PIEZO2: variants seen among roughly 807,000 people sequenced by gnomAD.
The protein encoded by PIEZO2 is piezo-type mechanosensitive ion channel component 2.
Under a neutral mutation model 337.3 loss-of-function variants are expected in PIEZO2, and 172 were observed. The ratio of observed to expected loss-of-function variants is 0.51; its 90% confidence interval spans 0.45 to 0.58. PIEZO2 has a LOEUF of 0.58. PIEZO2 is among the 20% of genes least tolerant of loss of function. PIEZO2 has a pLI of 0.00. For missense variants in PIEZO2, 3,028 were observed against 3,391.3 expected, an observed-to-expected ratio of 0.89 and a Z score of 2.66; for synonymous variants, 1,251 against 1,228.5, an observed-to-expected ratio of 1.02 and a Z score of -0.38.
intron 4 of PIEZO2, among the ~76,000 whole-genome samples, chr18:10,874,422 A>C (rs962262495): frequency 5.9e-5 from 9 of 152,166 alleles, no homozygotes; most frequent in South Asian, 2.1e-4. Context: ...CGAAAACTTA[A>C]AAATAGAACT....
At chr18:10,785,267 C>T (rs537876710) in intron 16 of PIEZO2, among the ~76,000 whole-genome samples, 2 of 152,268 alleles carry the variant, frequency 1.3e-5, no homozygotes, top group African/African-American at 4.8e-5. Context: ...GTTTCTTGTT[C>T]CTCCATGATC....
At chr18:10,755,451 T>A (rs537528071) in intron 27 of PIEZO2, among the ~76,000 whole-genome samples, 59 of 152,278 alleles carry the variant, frequency 3.9e-4, no homozygotes, top group African/African-American at 1.3e-3. Flanking sequence ...GACAGCTGAC[T>A]ATAGTGGGCA....
At chr18:11,059,710 C>T (rs1478162237) in intron 2 of PIEZO2, among the ~76,000 whole-genome samples, 5 of 152,098 alleles carry the variant, frequency 3.3e-5, no homozygotes, top group Non-Finnish European at 7.4e-5. Context: ...GGGCTAACTA[C>T]CCTAAATATA....
In PIEZO2 at chr18:10,952,010, T is replaced by C. The variant is rs2033316270; in HGVS notation, c.286+27525A>G. Among the ~76,000 whole-genome samples, 1 of 152,176 alleles carries C rather than the reference T, an allele frequency of 6.6e-6. No homozygotes were observed. Among genetic ancestry groups the C allele is most frequent in the African/African-American group, 2.4e-5 (1 of 41,436 alleles). ...TAGGGCTTCTTATATTGTGAAACTG[T>C]CTCTGAAACATTATCTGATTTGGCC... On this transcript the variant is annotated intron_variant, in intron 3 of 55. Transcript: ENST00000674853. This position sits in a 1 kb window ranked among gnomAD's most constrained non-coding sequence, Gnocchi z 4.1.
In PIEZO2 at chr18:10,715,754, C is replaced by T. The variant is rs1230162848; in HGVS notation, c.5152G>A (p.Val1718Met). Reference sequence around the variant, plus strand: ...TTAAGCCAAGTAGTGAAACTGTCCACTGTTGCCAGAAATAGGACCCAGGTA... The same window carrying T: ...TTAAGCCAAGTAGTGAAACTGTCCATTGTTGCCAGAAATAGGACCCAGGTA... ...KFTWVLFLAT[V>M]DSFTTWLNSI... Residue 1718 changes from valine to methionine, a missense_variant, in exon 38 of 56, where the codon GTG becomes ATG. Physicochemically the swap from Val to Met is conservative, Grantham distance 21 (BLOSUM62 1). Transcript: ENST00000674853. 2.0e-5 allele frequency: 30 copies of T among 1,534,986 alleles called. No individual in the cohort carries two copies. The highest frequency in any genetic ancestry group is 2.4e-5 in the Non-Finnish European group (27 of 1,145,132).
chr18:10,684,809 T>G (rs1391737957), intron 49 of PIEZO2, among the ~76,000 whole-genome samples: 1 of 152,210 alleles, frequency 6.6e-6, no homozygotes, highest in Non-Finnish European at 1.5e-5. Flanking sequence ...TGTCCTGCGC[T>G]GCTCCGTTAC....
Position 10,863,242 on chromosome 18 carries a change from T to C in PIEZO2, c.493-6031A>G, listed in dbSNP as rs2041921760. Among the ~76,000 whole-genome samples, 1 of 152,204 alleles carries C rather than the reference T, an allele frequency of 6.6e-6. No homozygotes were observed. The highest frequency in any genetic ancestry group is 2.1e-4 in the South Asian group (1 of 4,824). The stretch of plus-strand genomic sequence containing the variant: ...TGTGACTCACTGCAGAAGATGAATT[T>C]CATCCCCAGGGTTCCCTTGTGAAAG... On this transcript the variant is annotated intron_variant, in intron 5 of 55. Transcript: ENST00000674853. The surrounding 1 kb of genome is among the most constrained non-coding windows in gnomAD (Gnocchi z 4.3).
chr18:10,889,125 A>G (rs1284288147), intron 4 of PIEZO2, among the ~76,000 whole-genome samples: 1 of 152,214 alleles, frequency 6.6e-6, no homozygotes, highest in Non-Finnish European at 1.5e-5. Context: ...AGAGAGGAGG[A>G]CAGACACAGG....
chr18:10,814,041 C>T (rs1393113033), intron 7 of PIEZO2, among the ~76,000 whole-genome samples: 2 of 151,454 alleles, frequency 1.3e-5, no homozygotes, highest in East Asian at 3.9e-4. Flanking sequence ...AATCTCGGCT[C>T]TCGGCAAGCT....
At chr18:10,891,724 T>C (rs986217577) in intron 4 of PIEZO2, among the ~76,000 whole-genome samples, 1 of 152,160 alleles carries the variant, frequency 6.6e-6, no homozygotes, top group Non-Finnish European at 1.5e-5. Flanking sequence ...AAATCTATTA[T>C]AACAAGCTAA....
chr18:11,050,916 A>C (rs1317916347), intron 2 of PIEZO2, among the ~76,000 whole-genome samples: 2 of 151,942 alleles, frequency 1.3e-5, no homozygotes, highest in Non-Finnish European at 2.9e-5. Context: ...AAAAACTCAA[A>C]TGATATTTCA....
At chr18:10,715,562 G>T in intron 38 of PIEZO2, 88 bp downstream of exon 38, 1 of 1,261,984 alleles carries the variant, frequency 7.9e-7, no homozygotes. Flanking sequence ...AAAGGGCTTT[G>T]TCTTATCCTA....
At chr18:10,966,574 G>A (rs1391524928) in intron 3 of PIEZO2, among the ~76,000 whole-genome samples, 1 of 152,158 alleles carries the variant, frequency 6.6e-6, no homozygotes, top group Non-Finnish European at 1.5e-5. Flanking sequence ...AATATTGAGT[G>A]CAGATTGAAT....
At chr18:10,958,741 C>T (rs1055481045) in intron 3 of PIEZO2, among the ~76,000 whole-genome samples, 1 of 152,076 alleles carries the variant, frequency 6.6e-6, no homozygotes, top group African/African-American at 2.4e-5. Flanking sequence ...AGCTACTTTT[C>T]CCAGAAATGC....
chr18:10,692,814 T>G (rs1002236170), intron 47 of PIEZO2, among the ~76,000 whole-genome samples: 3 of 152,202 alleles, frequency 2.0e-5, no homozygotes, highest in African/African-American at 7.2e-5. Flanking sequence ...GCTCCAATAC[T>G]GTTCTTTTTC....
rs568059361 is a variant in PIEZO2 at position 10,739,638 on chromosome 18, C to T, written c.4708+1393G>A. ...GATAGAAATAGGCATTTGTGCACTG[C>T]ATTTACCAGATTGTTAGCGTGACTG... On this transcript the variant is annotated intron_variant, in intron 33 of 55. Coordinates refer to ENST00000674853, the MANE Select transcript of PIEZO2 (RefSeq NM_001378183.1). 7.2e-5 allele frequency: 11 copies of T among 152,268 alleles called. No homozygotes were observed. The South Asian group carries it at 2.3e-3, about 32-fold the overall frequency. 9.4% of individuals were successfully genotyped at this position (152,268 alleles called of 1,614,324 possible).
rs939397571 is a variant in PIEZO2 at position 11,080,920 on chromosome 18, G to A, written c.65-14698C>T. ...AAAGTTATCACACCTGACCAATGGA[G>A]TCAACGTCCAATAGCTTCACCAAAT... On this transcript the variant is annotated intron_variant, in intron 1 of 55. Coordinates refer to ENST00000674853, the MANE Select transcript of PIEZO2 (RefSeq NM_001378183.1). This position sits in a 1 kb window ranked among gnomAD's most constrained non-coding sequence, Gnocchi z 5.4. Among the ~76,000 whole-genome samples the A allele has an allele frequency of 6.6e-6, 1 of 152,192 alleles. No homozygotes were observed. Among genetic ancestry groups the A allele is most frequent in the Admixed American group, 6.5e-5 (1 of 15,272 alleles).
intron 34 of PIEZO2, among the ~76,000 whole-genome samples, chr18:10,735,751 A>G (rs1310656600): frequency 1.3e-5 from 2 of 152,160 alleles, no homozygotes; most frequent in Non-Finnish European, 2.9e-5. Context: ...CAGTTTTTCT[A>G]TGTCACTGGG....
At position 10,795,314 on chromosome 18, in the gene PIEZO2, ATATTTTATTT is replaced by A. The variant is rs1555648360; in HGVS notation, c.1528-322_1528-313del. 1.3e-3 allele frequency among the ~76,000 whole-genome samples: 117 copies of A among 88,504 alleles called. 1 individual carries two copies. The highest frequency in any genetic ancestry group is 4.5e-3 in the South Asian group (12 of 2,672). The allele number at this position is 88,504 out of a possible 152,430, so 58.1% of individuals were successfully genotyped here. A position where few individuals can be genotyped will look rare whatever the true frequency, so the allele number is the denominator to read the frequency against. On this transcript the variant is annotated intron_variant, in intron 12 of 55. Transcript: ENST00000674853. This position sits in a 1 kb window ranked among gnomAD's most constrained non-coding sequence, Gnocchi z 4.4. ...GTTAAGTAGCAAAATGTGTATTCAAATATTTTATTTTATTTTATTTTATTTTATTTTATTT... is the reference window on the plus strand; with the variant it reads ...GTTAAGTAGCAAAATGTGTATTCAAATATTTTATTTTATTTTATTTTATTT...
Sources: gnomAD v4.1 joint callset for allele counts (sites outside exome capture counted in the v4.1 genomes callset) on GRCh38, gnomAD v4.1.1 for gene constraint, Gnocchi (gnomAD v3.1) non-coding constraint, MANE v1.5 for transcripts, NCBI Gene and HGNC (gene_info 2026-07-23, HGNC 2026-07-21) for gene names.